Variants in TMTC2 observed in about 807,000 individuals in gnomAD.
TMTC2 encodes transmembrane O-mannosyltransferase targeting cadherins 2.
A neutral mutation model predicts 82.4 loss-of-function variants in TMTC2; 43 were observed. The observed-to-expected ratio is 0.52, with a 90% CI of 0.41 to 0.67. The LOEUF is 0.67. TMTC2 is among the 30% of genes least tolerant of loss of function. The pLI is 0.00. For missense variants in TMTC2, 919 were observed against 1,012.4 expected (o/e 0.91, Z 1.25); for synonymous variants, 408 against 381.9 (o/e 1.07, Z -0.80).
chr12:83,059,768 C>G (rs1260506590), intron 10 of TMTC2, among the ~76,000 whole-genome samples: 2 of 151,456 alleles, frequency 1.3e-5, no homozygotes, highest in Non-Finnish European at 3.0e-5. Flanking sequence ...TGATGGATTC[C>G]CCAGTTTCTC....
At position 83,046,682 on chromosome 12, in the gene TMTC2, T is replaced by C. The variant is rs1882150690; in HGVS notation, c.2153-4222T>C. Among the ~76,000 whole-genome samples, 3 of 152,156 alleles carry C rather than the reference T, an allele frequency of 2.0e-5. No homozygotes were observed. In the South Asian group the frequency reaches 6.2e-4, roughly 32 times the overall value. Reference sequence around the variant, plus strand: ...GTCTCTGTCTTGATGGGCTTAACGGTAATTCTTCAGGGAAGAGCACCTGTC... The same window carrying C: ...GTCTCTGTCTTGATGGGCTTAACGGCAATTCTTCAGGGAAGAGCACCTGTC... On this transcript the variant is annotated intron_variant, in intron 9 of 11. Transcript: ENST00000321196.
chr12:82,987,014 T>C (rs1401996041), intron 8 of TMTC2, among the ~76,000 whole-genome samples: 1 of 152,092 alleles, frequency 6.6e-6, no homozygotes, highest in Non-Finnish European at 1.5e-5. Context: ...ATAGAGCAAA[T>C]GATCAGGAAG....
chr12:83,049,656 CTAT>C (rs1882276646), intron 9 of TMTC2, among the ~76,000 whole-genome samples: 1 of 152,146 alleles, frequency 6.6e-6, no homozygotes, highest in Non-Finnish European at 1.5e-5. Context: ...AGAACGATTT[CTAT>C]TATTTCGCGT....
intron 9 of TMTC2, among the ~76,000 whole-genome samples, chr12:83,049,468 C>T (rs761408380): frequency 1.2e-4 from 18 of 152,082 alleles, no homozygotes; most frequent in Non-Finnish European, 1.8e-4. Context: ...CCAGTTCCAC[C>T]CAGGTTACTG....
At chr12:83,114,797 A>G (rs1250015469) in intron 11 of TMTC2, among the ~76,000 whole-genome samples, 1 of 151,962 alleles carries the variant, frequency 6.6e-6, no homozygotes, top group Non-Finnish European at 1.5e-5. Context: ...GTCCATGTAC[A>G]CTGTAGTATG....
intron 11 of TMTC2, among the ~76,000 whole-genome samples, chr12:83,117,885 A>G (rs1056622456): frequency 4.1e-5 from 6 of 147,202 alleles, no homozygotes; most frequent in African/African-American, 1.2e-4. Context: ...GGTTAGGTAT[A>G]TTCCTAAGTA....
intron 8 of TMTC2, among the ~76,000 whole-genome samples, chr12:83,028,780 T>G (rs1881289705): frequency 6.6e-6 from 1 of 152,184 alleles, no homozygotes; most frequent in Non-Finnish European, 1.5e-5. Context: ...TACTAAATCA[T>G]TTAGAGAAAC....
chr12:82,886,874 A>T (rs1440135713), intron 2 of TMTC2, among the ~76,000 whole-genome samples: 2 of 152,186 alleles, frequency 1.3e-5, no homozygotes, highest in Non-Finnish European at 1.5e-5. Flanking sequence ...TTCTTGTCAC[A>T]TGTTCAGAAA....
intron 4 of TMTC2, among the ~76,000 whole-genome samples, chr12:82,941,051 A>G (rs560360736): frequency 6.6e-6 from 1 of 152,332 alleles, no homozygotes; most frequent in East Asian, 1.9e-4. Flanking sequence ...GAGAATACAT[A>G]AATACGATAT....
intron 10 of TMTC2, among the ~76,000 whole-genome samples, chr12:83,056,112 G>T (rs1226658298): frequency 6.6e-6 from 1 of 151,970 alleles, no homozygotes; most frequent in Non-Finnish European, 1.5e-5. Context: ...GTAAATAAAT[G>T]CTCAGTAGTG....
At chr12:82,731,112 T>C (rs1477112455) in intron 1 of TMTC2, among the ~76,000 whole-genome samples, 1 of 152,240 alleles carries the variant, frequency 6.6e-6, no homozygotes, top group Non-Finnish European at 1.5e-5. Flanking sequence ...TGTTTATACA[T>C]TCAACAAATG....
chr12:82,796,645 T>A (rs1805056838), intron 1 of TMTC2, among the ~76,000 whole-genome samples: 1 of 152,116 alleles, frequency 6.6e-6, no homozygotes. Context: ...ATAAAGTTGT[T>A]CTAAGTGACA....
At chr12:82,795,402 T>A (rs1878673008) in intron 1 of TMTC2, among the ~76,000 whole-genome samples, 1 of 151,848 alleles carries the variant, frequency 6.6e-6, no homozygotes, top group Non-Finnish European at 1.5e-5. Flanking sequence ...AAACTCTCAG[T>A]CATATGTTGA....
intron 1 of TMTC2, among the ~76,000 whole-genome samples, chr12:82,739,354 C>T (rs1875283703): frequency 6.6e-6 from 1 of 151,886 alleles, no homozygotes; most frequent in African/African-American, 2.4e-5. Flanking sequence ...CAGGTGTGGC[C>T]ATATGATTTA....
chr12:83,035,077 A>G (rs566481153), intron 9 of TMTC2, among the ~76,000 whole-genome samples: 134 of 152,298 alleles, frequency 8.8e-4, no homozygotes, highest in African/African-American at 3.2e-3. Flanking sequence ...TGAGTTTTGT[A>G]TGGGAAATCC....
chr12:82,891,637 A>G (rs970220813), intron 2 of TMTC2, among the ~76,000 whole-genome samples: 9 of 152,182 alleles, frequency 5.9e-5, no homozygotes, highest in Non-Finnish European at 1.2e-4. Context: ...AAATTTTATG[A>G]GAAAGCATCA....
intron 11 of TMTC2, among the ~76,000 whole-genome samples, chr12:83,097,546 T>G (rs980908562): frequency 1.3e-5 from 2 of 152,236 alleles, no homozygotes; most frequent in African/African-American, 4.8e-5. Context: ...CTGTCAACAC[T>G]GCCCTAGGTG....
chr12:82,716,707 C>T (rs971751961), intron 1 of TMTC2, among the ~76,000 whole-genome samples: 3 of 152,118 alleles, frequency 2.0e-5, no homozygotes, highest in East Asian at 1.9e-4. Context: ...TAGGGGTGGA[C>T]ATACTATCAG....
intron 9 of TMTC2, among the ~76,000 whole-genome samples, chr12:83,045,580 G>T (rs1213143437): frequency 6.6e-6 from 1 of 152,016 alleles, no homozygotes; most frequent in Non-Finnish European, 1.5e-5. Context: ...GATATTCAAT[G>T]AATGTCTTAT....
Sources: gnomAD v4.1 joint callset for allele counts (sites outside exome capture counted in the v4.1 genomes callset) on GRCh38, gnomAD v4.1.1 for gene constraint, MANE v1.5 for transcripts, NCBI Gene and HGNC (gene_info 2026-07-23, HGNC 2026-07-21) for gene names.